Variants in USP34 observed in about 807,000 individuals in gnomAD.
USP34 encodes ubiquitin specific peptidase 34.
In USP34, 70 loss-of-function variants were observed where a neutral mutation model predicts 460.3. That is an observed-to-expected ratio of 0.15 (90% CI 0.13 to 0.19). USP34 has a LOEUF of 0.19. Among genes scored for constraint, USP34 ranks in the 10% least tolerant of loss-of-function variants. USP34 has a pLI of 1.00. For synonymous variants in USP34, 1,647 were observed against 1,405.3 expected (o/e 1.17, Z -3.85); for missense variants, 3,985 against 4,236.2 (o/e 0.94, Z 1.65).
Position 61,190,613 on chromosome 2 carries a change from C to T in USP34, c.9634G>A (p.Val3212Ile). The change falls in exon 77 of 80, where the codon GTT becomes ATT. Residue 3212 changes from valine to isoleucine, a missense_variant. Transcript: ENST00000398571. The stretch of plus-strand genomic sequence containing the variant: ...ATACATTTAATATATTCTGCGAAAA[C>T]AGGATCTTCACACAAAAGCTTGATG... Reference protein sequence around the residue: ...NCIKLLCEDPVFAEYIKCILM... With the variant: ...NCIKLLCEDPIFAEYIKCILM... 1 of 1,614,004 alleles carries T rather than the reference C, an allele frequency of 6.2e-7. No individual in the cohort carries two copies. The highest frequency in any genetic ancestry group is 8.5e-7 in the Non-Finnish European group (1 of 1,179,968).
At chr2:61,260,770 T>A (rs1312611299) in intron 43 of USP34, among the ~76,000 whole-genome samples, 1 of 152,172 alleles carries the variant, frequency 6.6e-6, no homozygotes, top group Non-Finnish European at 1.5e-5. Context: ...TTTTCCAACG[T>A]ATCAAAGTAT....
chr2:61,221,753 ACTAC>A (rs1687593953), intron 65 of USP34, 147 bp from the exon 66 acceptor site: 1 of 640,038 alleles, frequency 1.6e-6, no homozygotes, highest in South Asian at 3.4e-5. Flanking sequence ...GTGAACCTGA[ACTAC>A]CATAAAGCAG....
chr2:61,327,167 G>A (rs969105886), intron 20 of USP34, among the ~76,000 whole-genome samples: 7 of 152,074 alleles, frequency 4.6e-5, no homozygotes, highest in South Asian at 2.1e-4. Flanking sequence ...TCCCAAAATC[G>A]CACTAAATTC....
intron 67 of USP34, among the ~76,000 whole-genome samples, chr2:61,216,899 T>C (rs577680716): frequency 6.7e-6 from 1 of 148,848 alleles, no homozygotes; most frequent in African/African-American, 2.5e-5. Context: ...GCCTGGGCGA[T>C]GGGGCAAGAC....
At chr2:61,407,221 C>T (rs1693899897) in intron 2 of USP34, among the ~76,000 whole-genome samples, 2 of 152,136 alleles carry the variant, frequency 1.3e-5, no homozygotes. Flanking sequence ...CCCATCTCTA[C>T]AAAAACATAA....
chr2:61,318,949 T>C (rs986510884), intron 22 of USP34, among the ~76,000 whole-genome samples: 2 of 152,154 alleles, frequency 1.3e-5, no homozygotes, highest in African/African-American at 2.4e-5. Flanking sequence ...TTGTAGCTAA[T>C]AGAACATTTT....
chr2:61,216,711 G>C (rs1242800735), intron 67 of USP34, among the ~76,000 whole-genome samples: 1 of 152,008 alleles, frequency 6.6e-6, no homozygotes, highest in East Asian at 1.9e-4. Flanking sequence ...CTGAGGTCAG[G>C]AGTTCAAGAC....
chr2:61,232,847 T>C (rs1367729770), intron 57 of USP34, among the ~76,000 whole-genome samples: 1 of 118,376 alleles, frequency 8.4e-6, no homozygotes, highest in Non-Finnish European at 1.8e-5. Context: ...ATTAATTATA[T>C]ATATATATAT....
chr2:61,338,296 G>C (rs965900387), intron 18 of USP34, among the ~76,000 whole-genome samples: 6 of 152,172 alleles, frequency 3.9e-5, no homozygotes, highest in African/African-American at 1.4e-4. Context: ...ACTCCAGCCT[G>C]GGCGATGGAG....
chr2:61,317,943 G>A (rs1690800791), intron 22 of USP34, among the ~76,000 whole-genome samples, 176 bp from the exon 23 acceptor site: 1 of 152,074 alleles, frequency 6.6e-6, no homozygotes, highest in South Asian at 2.1e-4. Flanking sequence ...CGGTGGCTCA[G>A]TACTTTGGAA....
At position 61,232,350 on chromosome 2, in the gene USP34, TATCA is replaced by T. The variant is rs891770602; in HGVS notation, c.7113+98_7113+101del. The T allele has an allele frequency of 3.0e-5, 29 of 962,946 alleles. No homozygotes were observed. In the African/African-American group the frequency reaches 4.7e-4, roughly 16 times the overall value. 59.7% of individuals were successfully genotyped at this position (962,946 alleles called of 1,614,324 possible). ...TAGGAGGCAGATCTTTTCAAACTAT[TATCA>T]ATATTAGGTTAAGACACACTTATAA... On this transcript the variant is annotated intron_variant, in intron 58 of 79. Coordinates refer to ENST00000398571, the MANE Select transcript of USP34 (RefSeq NM_014709.4).
intron 1 of USP34, among the ~76,000 whole-genome samples, chr2:61,460,882 C>A (rs1328913376): frequency 6.6e-6 from 1 of 151,128 alleles, no homozygotes; most frequent in African/African-American, 2.4e-5. Context: ...ACTCGAGAGG[C>A]TGAGGCAGGA....
chr2:61,260,768 C>T (rs112688781), intron 43 of USP34, among the ~76,000 whole-genome samples: 2 of 152,032 alleles, frequency 1.3e-5, no homozygotes, highest in Non-Finnish European at 2.9e-5. Context: ...AATTTTCCAA[C>T]GTATCAAAGT....
chr2:61,357,185 T>A (rs995404939), intron 10 of USP34, among the ~76,000 whole-genome samples: 1 of 152,188 alleles, frequency 6.6e-6, no homozygotes, highest in African/African-American at 2.4e-5. Context: ...ATAGACTGGA[T>A]GCTAGACCAC....
rs1381290897 is a variant in USP34 at position 61,285,479 on chromosome 2, T to C, written c.4750-522A>G. Among the ~76,000 whole-genome samples the C allele has an allele frequency of 8.3e-5, 7 of 84,740 alleles. No individual in the cohort carries two copies. In the East Asian group the frequency reaches 9.5e-4, roughly 12 times the overall value. The allele number at this position is 84,740 out of a possible 152,430, so 55.6% of individuals were successfully genotyped here. ...TCCAGCCTGAACAACAAAATGAGAA[T>C]CTGTCTCAAAAAAAAAAAAAAAAAA... On this transcript the variant is annotated intron_variant, in intron 34 of 79. Coordinates refer to ENST00000398571, the MANE Select transcript of USP34 (RefSeq NM_014709.4).
intron 44 of USP34, 102 bp downstream of exon 44, chr2:61,259,609 C>G (rs1440081145): frequency 1.0e-6 from 1 of 981,368 alleles, no homozygotes; most frequent in Non-Finnish European, 1.5e-6. Flanking sequence ...TGGTCTCAAG[C>G]TCTTGAACTC....
chr2:61,374,248 T>A (rs1692724836), intron 8 of USP34, among the ~76,000 whole-genome samples: 1 of 151,872 alleles, frequency 6.6e-6, no homozygotes, highest in East Asian at 1.9e-4. Flanking sequence ...AAACAAGTGT[T>A]AGGGTTGGGA....
chr2:61,370,614 A>G, intron 8 of USP34, 35 bp from the exon 9 acceptor site: 2 of 1,588,090 alleles, frequency 1.3e-6, no homozygotes, highest in Non-Finnish European at 1.7e-6. Context: ...ACATTAAAAA[A>G]AATTGTCATC....
At chr2:61,446,205 C>G (rs1434354288) in intron 1 of USP34, among the ~76,000 whole-genome samples, 4 of 151,450 alleles carry the variant, frequency 2.6e-5, no homozygotes, top group Non-Finnish European at 1.5e-5. Context: ...ATATTTTCCA[C>G]CAAAAAACAC....
Sources: gnomAD v4.1 joint callset for allele counts (sites outside exome capture counted in the v4.1 genomes callset) on GRCh38, gnomAD v4.1.1 for gene constraint, MANE v1.5 for transcripts, NCBI Gene and HGNC (gene_info 2026-07-23, HGNC 2026-07-21) for gene names.